LIPE: variants seen among roughly 807,000 people sequenced by gnomAD.
LIPE encodes lipase E, hormone sensitive type, also known as hormone-sensitive lipase.
LIPE carries 66 observed loss-of-function variants against 88.5 expected under a neutral mutation model. The ratio of observed to expected loss-of-function variants is 0.75; its 90% CI spans 0.61 to 0.91. The LOEUF (loss-of-function observed/expected upper bound fraction) is 0.91. LIPE is among the 40% of genes least tolerant of loss of function. The pLI is 0.00. For synonymous variants in LIPE, 570 were observed against 617.5 expected, an observed-to-expected ratio of 0.92 and a Z score of 1.14; for missense variants, 1,346 against 1,434.7, an observed-to-expected ratio of 0.94 and a Z score of 1.00.
At chr19:42,402,556 G>A in intron 9 of LIPE, 51 bp downstream of exon 9, 1 of 1,403,438 alleles carries the variant, frequency 7.1e-7, no homozygotes, top group Non-Finnish European at 9.4e-7. Flanking sequence ...TCCTCCCCGG[G>A]TGCCCTGCTC....
In LIPE at chr19:42,420,872, C is replaced by A. The variant is rs1031715661; in HGVS notation, c.883+5395G>T. ...TCAGGATAAAGCCCCCAATCCTGCA[C>A]ATGGCCTCCCAAGCCAGGTACCATC... On this transcript the variant is annotated intron_variant, in intron 1 of 9. Transcript: ENST00000244289. 1.3e-5 allele frequency among the ~76,000 whole-genome samples: 2 copies of A among 152,164 alleles called. 1 individual carries two copies. Among genetic ancestry groups the A allele is most frequent in the South Asian group, 4.1e-4 (2 of 4,834 alleles).
In LIPE at chr19:42,407,702, G is replaced by A. The variant is rs1315206169; in HGVS notation, c.1746C>T (p.Asp582=). The A allele has an allele frequency of 6.3e-7, 1 of 1,591,262 alleles. No homozygotes were observed. Among genetic ancestry groups the A allele is most frequent in the South Asian group, 1.1e-5 (1 of 87,122 alleles). ...GTGAGATGGTGACCGTGAGCGTGGG[G>A]TCGGCAGTCAGTGGCATCTCAAAGG... ...PEAFEMPLTA[D]PTLTVTISPP... Residue 582 remains aspartate (D), a synonymous_variant, in exon 5 of 10, where the codon GAC becomes GAT. Transcript: ENST00000244289. This position sits in a 1 kb window ranked among gnomAD's most constrained non-coding sequence, Gnocchi z 5.8.
intron 1 of LIPE, among the ~76,000 whole-genome samples, chr19:42,420,786 T>C (rs2040583261): frequency 6.6e-6 from 1 of 152,196 alleles, no homozygotes; most frequent in African/African-American, 2.4e-5. Context: ...AGCCACAGGA[T>C]CTTTTTAGCA....
In LIPE at chr19:42,426,488, T is replaced by G; in HGVS notation, c.662A>C (p.Glu221Ala). The G allele has an allele frequency of 2.5e-6, 4 of 1,614,200 alleles. No homozygotes were observed. The highest frequency in any genetic ancestry group is 3.4e-6 in the Non-Finnish European group (4 of 1,180,040). ...QELSIQRSAL[E>A]WKALSEWVTD... Reference sequence around the variant, plus strand: ...GACCCACTCAGAAAGTGCCTTCCACTCTAGGGCTGATCGCTGTATGGATAG... The same window carrying G: ...GACCCACTCAGAAAGTGCCTTCCACGCTAGGGCTGATCGCTGTATGGATAG... Residue 221 changes from glutamate (E) to alanine (A), a missense_variant, in exon 1 of 10, where the codon GAG becomes GCG. By Grantham distance (107) the Glu-to-Ala change is moderately radical (BLOSUM62 -1). Coordinates refer to ENST00000244289, the MANE Select transcript of LIPE (RefSeq NM_005357.4).
At position 42,408,376 on chromosome 19, in the gene LIPE, G is replaced by A. The variant is rs1225876839; in HGVS notation, c.1420-54C>T. 1 of 1,448,208 alleles carries A rather than the reference G, an allele frequency of 6.9e-7. No homozygotes were observed. The highest frequency in any genetic ancestry group is 2.3e-5 in the East Asian group (1 of 44,070). The allele number at this position is 1,448,208 out of a possible 1,614,324, so 89.7% of individuals were successfully genotyped here. A position where few individuals can be genotyped will look rare whatever the true frequency, so the allele number is the denominator to read the frequency against. On this transcript the variant is annotated intron_variant, in intron 2 of 9. Transcript: ENST00000244289. The surrounding 1 kb of genome is among the most constrained non-coding windows in gnomAD (Gnocchi z 4.3). ...CCGCTCAAGAGAGGGATGGGGACAG[G>A]GCAGGAGCGAGGCACAGGGATGTGC...
chr19:42,414,435 C>T lies in LIPE; in HGVS notation c.884-3593G>A, dbSNP rs1192618091. On this transcript the variant is annotated intron_variant, in intron 1 of 9. Coordinates refer to ENST00000244289, the MANE Select transcript of LIPE (RefSeq NM_005357.4). The surrounding 1 kb of genome is among the most constrained non-coding windows in gnomAD (Gnocchi z 4.6). ...TGTTCTGCTGGCTCAGGGTGGGAGA[C>T]ATAATTTATAAGTGGGGCCATGGCC... Among the ~76,000 whole-genome samples, 1 of 152,204 alleles carries T rather than the reference C, an allele frequency of 6.6e-6. No homozygotes were observed. The highest frequency in any genetic ancestry group is 1.5e-5 in the Non-Finnish European group (1 of 68,038).
chr19:42,404,805 G>A (rs2040116645), intron 8 of LIPE, among the ~76,000 whole-genome samples: 2 of 152,232 alleles, frequency 1.3e-5, no homozygotes, highest in African/African-American at 4.8e-5. Flanking sequence ...CCTACTGGGT[G>A]CCATATATTG....
At chr19:42,418,364 A>G (rs35779743) in intron 1 of LIPE, among the ~76,000 whole-genome samples, 8 of 152,350 alleles carry the variant, frequency 5.3e-5, no homozygotes, top group Non-Finnish European at 1.0e-4. Context: ...TTTGTGAGTG[A>G]ATCGAAGCAG....
At position 42,401,746 on chromosome 19, in the gene LIPE, G is replaced by C. The variant is rs1019072336; in HGVS notation, c.*66C>G. The stretch of plus-strand genomic sequence containing the variant: ...CCGACTTAAGTAAGGCACAGCCCGC[G>C]TCCCCTTCCGCCCGGCCCGGAAGGC... On this transcript the variant is annotated 3_prime_UTR_variant, in exon 10 of 10. Transcript: ENST00000244289. The C allele has an allele frequency of 2.7e-5, 13 of 478,444 alleles. No homozygotes were observed. The highest frequency in any genetic ancestry group is 3.7e-5 in the Non-Finnish European group (13 of 355,708). 29.6% of individuals were successfully genotyped at this position (478,444 alleles called of 1,614,324 possible). A position where few individuals can be genotyped will look rare whatever the true frequency, so the allele number is the denominator to read the frequency against.
chr19:42,406,920 GGAC>G lies in LIPE; in HGVS notation c.2137+251_2137+253del, dbSNP rs2040203154. 6.6e-6 allele frequency among the ~76,000 whole-genome samples: 1 copy of G among 152,204 alleles called. No homozygotes were observed. Among genetic ancestry groups the G allele is most frequent in the African/African-American group, 2.4e-5 (1 of 41,442 alleles). On this transcript the variant is annotated intron_variant, in intron 6 of 9. Coordinates refer to ENST00000244289, the MANE Select transcript of LIPE (RefSeq NM_005357.4). The surrounding 1 kb of genome is among the most constrained non-coding windows in gnomAD (Gnocchi z 5.7). Reference sequence around the variant, plus strand: ...AGCAGGGCCTGGAGCTATCAGAGGGGGACGACAGAGGCCCAGGGAGACAGGACG... The same window carrying G: ...AGCAGGGCCTGGAGCTATCAGAGGGGGACAGAGGCCCAGGGAGACAGGACG...
At chr19:42,424,370 C>T in intron 1 of LIPE, 1 of 456,650 alleles carries the variant, frequency 2.2e-6, no homozygotes, top group Non-Finnish European at 4.4e-6. Flanking sequence ...TTCTGGACCG[C>T]CTTGCTCACA....
intron 7 of LIPE, chr19:42,405,850 C>T: frequency 1.9e-6 from 1 of 538,508 alleles, no homozygotes; most frequent in Non-Finnish European, 3.3e-6. Context: ...GTTCCAGCTA[C>T]TTGGGAAGCT....
rs2039969201 is a variant in LIPE, at chr19:42,401,540, A to T, written c.*272T>A. On this transcript the variant is annotated 3_prime_UTR_variant, in exon 10 of 10. Coordinates refer to ENST00000244289, the MANE Select transcript of LIPE (RefSeq NM_005357.4). ...AATTAAATACTTTTATTTACAACAA[A>T]CCAAACCGACCTGCAAGGGAGGGCC... 2.2e-6 allele frequency: 1 copy of T among 462,222 alleles called. No homozygotes were observed. Among genetic ancestry groups the T allele is most frequent in the Non-Finnish European group, 3.8e-6 (1 of 262,374 alleles). The allele number at this position is 462,222 out of a possible 1,614,324, so 28.6% of individuals were successfully genotyped here. A position where few individuals can be genotyped will look rare whatever the true frequency, so the allele number is the denominator to read the frequency against.
rs765130366 is a variant in LIPE, at chr19:42,402,980, G to A, written c.2594C>T (p.Pro865Leu). The A allele has an allele frequency of 6.2e-6, 10 of 1,602,054 alleles. No individual in the cohort carries two copies. In the East Asian group the frequency reaches 2.2e-4, roughly 36 times the overall value. The change falls in exon 9 of 10, where the codon CCA becomes CTA. Residue 865 changes from proline (P) to leucine (L), a missense_variant. By Grantham distance (98) the Pro-to-Leu change is moderately conservative. Transcript: ENST00000244289. ...SEAALAQPQGPLGTDSLKNLT... is the reference protein window; with the variant it reads ...SEAALAQPQGLLGTDSLKNLT... ...GTTCTTGAGGGAATCCGTGCCCAGTGGGCCCTGGGGCTGGGCCAGTGCTGC... is the reference window on the plus strand; with the variant it reads ...GTTCTTGAGGGAATCCGTGCCCAGTAGGCCCTGGGGCTGGGCCAGTGCTGC...
chr19:42,414,075 G>A lies in LIPE; in HGVS notation c.884-3233C>T, dbSNP rs1339975189. On this transcript the variant is annotated intron_variant, in intron 1 of 9. Transcript: ENST00000244289. The surrounding 1 kb of genome is among the most constrained non-coding windows in gnomAD (Gnocchi z 4.6). ...GGGTGGGCCACGAGGTCAGGAGATC[G>A]AGACCATCCTGGCCAACATGCTGAA... 3.3e-5 allele frequency among the ~76,000 whole-genome samples: 5 copies of A among 151,904 alleles called. No homozygotes were observed. Among genetic ancestry groups the A allele is most frequent in the South Asian group, 4.2e-4 (2 of 4,804 alleles).
In LIPE at chr19:42,419,702, G is replaced by C. The variant is rs568762345; in HGVS notation, c.883+6565C>G. Among the ~76,000 whole-genome samples the C allele has an allele frequency of 1.7e-3, 253 of 152,038 alleles. 2 individuals carry two copies. The highest frequency in any genetic ancestry group is 5.7e-3 in the African/African-American group (235 of 41,444). ...AGGGCGGTGGGGAAGGAAGTGGGGT[G>C]GGGGTGGATGGGGGATGGAGGAAGG... On this transcript the variant is annotated intron_variant, in intron 1 of 9. Transcript: ENST00000244289.
intron 1 of LIPE, among the ~76,000 whole-genome samples, chr19:42,421,047 C>T (rs2040588514): frequency 6.6e-6 from 1 of 152,122 alleles, no homozygotes; most frequent in Non-Finnish European, 1.5e-5. Flanking sequence ...TACAGGTACA[C>T]CCCACCATGC....
In LIPE at chr19:42,405,491, G is replaced by C; in HGVS notation, c.2436C>G (p.Asp812Glu). ...ALGMMGLVRR[D>E]TALLLRDFRL... ...GGAAGTCTCGGAGGAGCAGGGCTGT[G>C]TCCCGCCGCACCAGCCCCATCATGC... is the stretch of plus-strand genomic sequence containing the variant. Residue 812 changes from aspartate to glutamate, a missense_variant, in exon 8 of 10, where the codon GAC becomes GAG. Transcript: ENST00000244289. 7.4e-6 allele frequency: 12 copies of C among 1,614,122 alleles called. No individual in the cohort carries two copies. The highest frequency in any genetic ancestry group is 1.0e-5 in the Non-Finnish European group (12 of 1,179,998).
chr19:42,407,794 G>A lies in LIPE; in HGVS notation c.1657-3C>T. The A allele has an allele frequency of 1.3e-6, 2 of 1,547,086 alleles. No homozygotes were observed. The highest frequency in any genetic ancestry group is 1.4e-5 in the African/African-American group (1 of 73,038). On this transcript the variant is annotated splice_region_variant and splice_polypyrimidine_tract_variant and intron_variant, in intron 4 of 9. Coordinates refer to ENST00000244289, the MANE Select transcript of LIPE (RefSeq NM_005357.4). The surrounding 1 kb of genome is among the most constrained non-coding windows in gnomAD (Gnocchi z 5.8). The stretch of plus-strand genomic sequence containing the variant: ...GCCGATGCCATGTTGGCCAGAGACT[G>A]GAGGGAGGGGACAGAAGGGGTGCTA...
Sources: gnomAD v4.1 joint callset for allele counts (sites outside exome capture counted in the v4.1 genomes callset) on GRCh38, gnomAD v4.1.1 for gene constraint, Gnocchi (gnomAD v3.1) non-coding constraint, MANE v1.5 for transcripts, NCBI Gene and HGNC (gene_info 2026-07-23, HGNC 2026-07-21) for gene names.